FBLN1: variants seen among roughly 807,000 people sequenced by gnomAD.
FBLN1 encodes fibulin-1.
In FBLN1, 34 loss-of-function variants were observed where a neutral mutation model predicts 89.7. The observed-to-expected ratio is 0.38, with a 90% CI of 0.29 to 0.50. The LOEUF (loss-of-function observed/expected upper bound fraction) is 0.50. Among genes scored for constraint, FBLN1 ranks in the 20% least tolerant of loss-of-function variants. The pLI is 0.92. For synonymous variants in FBLN1, 393 were observed against 391.3 expected (o/e 1.00, Z -0.05); for missense variants, 777 against 988.1 (o/e 0.79, Z 2.86).
At chr22:45,596,070 C>T (rs887516652) in intron 16 of FBLN1, among the ~76,000 whole-genome samples, 30 of 152,252 alleles carry the variant, frequency 2.0e-4, no homozygotes, top group African/African-American at 5.3e-4. Context: ...GGGGTTTCAC[C>T]GTGTTAGCCA....
Position 45,576,888 on chromosome 22 carries a change from T to C in FBLN1, c.1841-89T>C. On this transcript the variant is annotated intron_variant, in intron 15 of 16. Transcript: ENST00000327858. The surrounding 1 kb of genome is among the most constrained non-coding windows in gnomAD (Gnocchi z 5.2). Reference sequence around the variant, plus strand: ...GAAAGGGCCCTGGGTTAGGTCTTCATTCCCCAAGGGTGAGTTCCTGGGGAC... The same window carrying C: ...GAAAGGGCCCTGGGTTAGGTCTTCACTCCCCAAGGGTGAGTTCCTGGGGAC... 1.3e-6 allele frequency: 2 copies of C among 1,522,214 alleles called. No homozygotes were observed. Among genetic ancestry groups the C allele is most frequent in the South Asian group, 2.3e-5 (2 of 88,298 alleles). 94.3% of individuals were successfully genotyped at this position (1,522,214 alleles called of 1,614,324 possible).
intron 14 of FBLN1, among the ~76,000 whole-genome samples, chr22:45,560,582 G>A (rs866909579): frequency 2.0e-5 from 3 of 152,140 alleles, no homozygotes; most frequent in South Asian, 4.2e-4. Context: ...TTAACTCCCC[G>A]AGTTGCAACA....
Position 45,562,819 on chromosome 22 carries a change from C to A in FBLN1, c.1698-11692C>A. ...GCCAGAGGGGCGGCGGGAGGCCCCGCCTGCCAGCCCCGCATCCCCGCGCTC... is the reference window on the plus strand; with the variant it reads ...GCCAGAGGGGCGGCGGGAGGCCCCGACTGCCAGCCCCGCATCCCCGCGCTC... On this transcript the variant is annotated intron_variant, in intron 14 of 16. Coordinates refer to ENST00000327858, the MANE Select transcript of FBLN1 (RefSeq NM_006486.3). This position sits in a 1 kb window ranked among gnomAD's most constrained non-coding sequence, Gnocchi z 7.8. The A allele has an allele frequency of 1.6e-6, 2 of 1,286,112 alleles. No individual in the cohort carries two copies. The highest frequency in any genetic ancestry group is 1.4e-5 in the African/African-American group (1 of 69,020). The allele number at this position is 1,286,112 out of a possible 1,614,324, so 79.7% of individuals were successfully genotyped here. A position where few individuals can be genotyped will look rare whatever the true frequency, so the allele number is the denominator to read the frequency against.
intron 14 of FBLN1, among the ~76,000 whole-genome samples, chr22:45,570,052 C>T (rs1006606205): frequency 2.0e-5 from 3 of 151,674 alleles, no homozygotes; most frequent in Non-Finnish European, 2.9e-5. Flanking sequence ...AAAATGGGGC[C>T]GGGTGCCCTG....
chr22:45,541,356 G>A lies in FBLN1; in HGVS notation c.1050G>A (p.Glu350=), dbSNP rs2088553878. ...NCGRGYHLNE[E]GTRCVDVDEC... ...GCCGTGGCTACCATCTCAACGAGGA[G>A]GGAACGCGCTGTGTTGGTTGGTATT... Residue 350 remains glutamate, a synonymous_variant, in exon 9 of 17, where the codon GAG becomes GAA. Transcript: ENST00000327858. The A allele has an allele frequency of 3.1e-6, 5 of 1,614,244 alleles. No homozygotes were observed. The highest frequency in any genetic ancestry group is 4.2e-6 in the Non-Finnish European group (5 of 1,180,044).
At chr22:45,506,472 C>T (rs1297894938) in intron 1 of FBLN1, among the ~76,000 whole-genome samples, 2 of 152,212 alleles carry the variant, frequency 1.3e-5, no homozygotes, top group African/African-American at 2.4e-5. Flanking sequence ...AGTTTTTCCC[C>T]CTCATGCAAC....
chr22:45,565,227 C>A, intron 14 of FBLN1: 1 of 1,452,798 alleles, frequency 6.9e-7, no homozygotes, highest in Non-Finnish European at 9.2e-7. Flanking sequence ...GTCTGAGCTT[C>A]CTTAGAACCT....
Position 45,577,001 on chromosome 22 carries a change from C to T in FBLN1, c.1865C>T (p.Thr622Met), listed in dbSNP as rs145765329. ...GAGATCATCTTCCTCCGGGCCATCA[C>T]GCCACCGCATCCTGCCAGCCAGGCT... is the stretch of plus-strand genomic sequence containing the variant. ...PEEIIFLRAI[T>M]PPHPASQANI... Residue 622 changes from threonine (T) to methionine (M), a missense_variant, in exon 16 of 17, where the codon ACG (threonine) becomes ATG (methionine). Transcript: ENST00000327858. This position sits in a 1 kb window ranked among gnomAD's most constrained non-coding sequence, Gnocchi z 6.6. 64 of 1,614,118 alleles carry T rather than the reference C, an allele frequency of 4.0e-5. No homozygotes were observed. Among genetic ancestry groups the T allele is most frequent in the South Asian group, 2.3e-4 (21 of 91,080 alleles).
Position 45,600,550 on chromosome 22 carries a change from G to C in FBLN1, c.*104G>C, listed in dbSNP as rs1654673221. 1 of 1,338,916 alleles carries C rather than the reference G, an allele frequency of 7.5e-7. No homozygotes were observed. The highest frequency in any genetic ancestry group is 1.1e-6 in the Non-Finnish European group (1 of 931,476). 82.9% of individuals were successfully genotyped at this position (1,338,916 alleles called of 1,614,324 possible). On this transcript the variant is annotated 3_prime_UTR_variant, in exon 17 of 17. Coordinates refer to ENST00000327858, the MANE Select transcript of FBLN1 (RefSeq NM_006486.3). ...ATACCCTCAGACTTTTTTAATGTTA[G>C]GTATTTGTAGCATTAGGCCAACATG...
intron 7 of FBLN1, among the ~76,000 whole-genome samples, chr22:45,534,846 CTG>C (rs893752839): frequency 7.9e-5 from 12 of 152,206 alleles, no homozygotes; most frequent in Admixed American, 7.8e-4. Context: ...TTTATAGAGA[CTG>C]TGTTTGTTGC....
chr22:45,508,463 A>G (rs537625209), intron 1 of FBLN1, among the ~76,000 whole-genome samples: 2 of 151,950 alleles, frequency 1.3e-5, no homozygotes, highest in Admixed American at 6.6e-5. Context: ...GGGTTTCACT[A>G]TGTTGGCCAG....
rs550766812 is a variant in FBLN1, at chr22:45,550,070, C to CG, written c.1574-419dup. The stretch of plus-strand genomic sequence containing the variant: ...GTATGGACTCTGATGCCAGCCTGCC[C>CG]GGGTTCAAAGCTCAGCTCTGACATT... On this transcript the variant is annotated intron_variant, in intron 13 of 16. Coordinates refer to ENST00000327858, the MANE Select transcript of FBLN1 (RefSeq NM_006486.3). The surrounding 1 kb of genome is among the most constrained non-coding windows in gnomAD (Gnocchi z 8.4). 2.6e-3 allele frequency among the ~76,000 whole-genome samples: 396 copies of CG among 152,218 alleles called. 1 individual carries two copies. The highest frequency in any genetic ancestry group is 6.8e-3 in the Middle Eastern group (2 of 294).
Position 45,578,427 on chromosome 22 carries a change from G to A in FBLN1, c.1972+1319G>A, listed in dbSNP as rs748756639. 2.6e-5 allele frequency: 4 copies of A among 152,220 alleles called. No homozygotes were observed. The highest frequency in any genetic ancestry group is 9.6e-5 in the African/African-American group (4 of 41,460). The allele number at this position is 152,220 out of a possible 1,614,324, so 9.4% of individuals were successfully genotyped here. A position where few individuals can be genotyped will look rare whatever the true frequency, so the allele number is the denominator to read the frequency against. On this transcript the variant is annotated intron_variant, in intron 16 of 16. Transcript: ENST00000327858. The surrounding 1 kb of genome is among the most constrained non-coding windows in gnomAD (Gnocchi z 4.6). ...AATAATTAGTTAATTACAATTAATGGTGCATTAGCCCTCGCGTGATTCCAA... is the reference window on the plus strand; with the variant it reads ...AATAATTAGTTAATTACAATTAATGATGCATTAGCCCTCGCGTGATTCCAA...
In FBLN1 at chr22:45,549,652, G is replaced by A. The variant is rs943457433; in HGVS notation, c.1574-840G>A. ...CTCAGCATAAACACATTCCTGAGCC[G>A]GGCCTTTGAGGCTGGGGAGTGTTGT... On this transcript the variant is annotated intron_variant, in intron 13 of 16. Transcript: ENST00000327858. This position sits in a 1 kb window ranked among gnomAD's most constrained non-coding sequence, Gnocchi z 5.7. Among the ~76,000 whole-genome samples the A allele has an allele frequency of 6.6e-5, 10 of 152,182 alleles. No homozygotes were observed. The highest frequency in any genetic ancestry group is 4.8e-5 in the African/African-American group (2 of 41,438).
intron 14 of FBLN1, among the ~76,000 whole-genome samples, chr22:45,552,573 A>G (rs1187359016): frequency 6.6e-6 from 1 of 152,218 alleles, no homozygotes; most frequent in African/African-American, 2.4e-5. Flanking sequence ...TTAAAATCTA[A>G]AAGAGCCATA....
At chr22:45,584,660 A>G (rs1048093789) in intron 16 of FBLN1, among the ~76,000 whole-genome samples, 4 of 152,216 alleles carry the variant, frequency 2.6e-5, no homozygotes, top group Non-Finnish European at 5.9e-5. Context: ...AGAGTGGTCT[A>G]GTCTGGAGGA....
chr22:45,580,914 G>A lies in FBLN1; in HGVS notation c.1972+3806G>A, dbSNP rs868555331. Among the ~76,000 whole-genome samples, 5 of 152,328 alleles carry A rather than the reference G, an allele frequency of 3.3e-5. No individual in the cohort carries two copies. The highest frequency in any genetic ancestry group is 2.1e-4 in the South Asian group (1 of 4,830). On this transcript the variant is annotated intron_variant, in intron 16 of 16. Coordinates refer to ENST00000327858, the MANE Select transcript of FBLN1 (RefSeq NM_006486.3). The surrounding 1 kb of genome is among the most constrained non-coding windows in gnomAD (Gnocchi z 8.6). ...AGCCCGCAGCAGGGCCCGCGCCGTCGTCTTTGTAAAGCCCCCTTGCATTCC... is the reference window on the plus strand; with the variant it reads ...AGCCCGCAGCAGGGCCCGCGCCGTCATCTTTGTAAAGCCCCCTTGCATTCC...
chr22:45,551,449 T>C (rs1353122948), intron 14 of FBLN1, among the ~76,000 whole-genome samples: 1 of 152,206 alleles, frequency 6.6e-6, no homozygotes, highest in Non-Finnish European at 1.5e-5. Flanking sequence ...TCAGTGGTAG[T>C]GTCCACCTCT....
At position 45,575,278 on chromosome 22, in the gene FBLN1, T is replaced by C. The variant is rs134822; in HGVS notation, c.1840+625T>C. Among the ~76,000 whole-genome samples the C allele has an allele frequency of 0.5, 75,696 of 151,790 alleles. 21,931 individuals carry two copies. The highest frequency in any genetic ancestry group is 0.8 in the African/African-American group (33,016 of 41,368). On this transcript the variant is annotated intron_variant, in intron 15 of 16. Coordinates refer to ENST00000327858, the MANE Select transcript of FBLN1 (RefSeq NM_006486.3). This position sits in a 1 kb window ranked among gnomAD's most constrained non-coding sequence, Gnocchi z 6.3. ...AGGGCCTCCGGGAGGAAGTGATGGC[T>C]AGGCTGGGTCCTGAGTGGTGAGGTA...
Sources: gnomAD v4.1 joint callset for allele counts (sites outside exome capture counted in the v4.1 genomes callset) on GRCh38, gnomAD v4.1.1 for gene constraint, Gnocchi (gnomAD v3.1) non-coding constraint, MANE v1.5 for transcripts, NCBI Gene and HGNC (gene_info 2026-07-23, HGNC 2026-07-21) for gene names.